Variants in GLI3 observed in about 807,000 individuals in gnomAD.
GLI3 encodes GLI family zinc finger 3.
A neutral mutation model predicts 100.8 loss-of-function variants in GLI3; 20 were observed. The ratio of observed to expected loss-of-function variants is 0.20; its 90% CI spans 0.14 to 0.29. The LOEUF is 0.29. GLI3 is among the 10% of genes least tolerant of loss of function. The pLI, the probability that GLI3 is intolerant of heterozygous loss-of-function variation, is 1.00. For synonymous variants in GLI3, 938 were observed against 860.5 expected, an observed-to-expected ratio of 1.09 and a Z score of -1.58; for missense variants, 2,040 against 2,128.5, an observed-to-expected ratio of 0.96 and a Z score of 0.82.
At chr7:42,012,378 C>T (rs1034653138) in intron 10 of GLI3, among the ~76,000 whole-genome samples, 3 of 152,048 alleles carry the variant, frequency 2.0e-5, no homozygotes, top group Non-Finnish European at 4.4e-5. Context: ...TTGCTCCTCT[C>T]CCCCCTCCCT....
Position 41,986,469 on chromosome 7 carries a change from C to A in GLI3, c.1498-7721G>T, listed in dbSNP as rs557458203. Reference sequence around the variant, plus strand: ...AAAGCTGGACTATGCTTCACTGCAGCAGAACACTATCATTTCACATTTAAA... The same window carrying A: ...AAAGCTGGACTATGCTTCACTGCAGAAGAACACTATCATTTCACATTTAAA... On this transcript the variant is annotated intron_variant, in intron 10 of 14. Coordinates refer to ENST00000395925, the MANE Select transcript of GLI3 (RefSeq NM_000168.6). 1.4e-3 allele frequency among the ~76,000 whole-genome samples: 210 copies of A among 147,600 alleles called. 1 individual carries two copies. The highest frequency in any genetic ancestry group is 2.2e-3 in the Admixed American group (32 of 14,502).
rs1786168762 is a variant in GLI3, at chr7:42,127,732, G to C, written c.367+20494C>G. Among the ~76,000 whole-genome samples, 4 of 152,340 alleles carry C rather than the reference G, an allele frequency of 2.6e-5. No individual in the cohort carries two copies. The South Asian group carries it at 8.3e-4, about 32-fold the overall frequency. The stretch of plus-strand genomic sequence containing the variant: ...ATGTTAAGAAACAAATGTAGGGCCT[G>C]GTGCAGTGGCTGTCGCCTGTAATCC... On this transcript the variant is annotated intron_variant, in intron 3 of 14. Transcript: ENST00000395925.
chr7:41,993,009 A>T (rs1788032502), intron 10 of GLI3, among the ~76,000 whole-genome samples: 1 of 152,224 alleles, frequency 6.6e-6, no homozygotes, highest in Non-Finnish European at 1.5e-5. Context: ...TGTTTCTCCC[A>T]TGCTGCCTGC....
At chr7:42,113,614 T>A in intron 3 of GLI3, 2 of 989,604 alleles carry the variant, frequency 2.0e-6, no homozygotes, top group Non-Finnish European at 3.2e-6. Flanking sequence ...GTGCTGGAGA[T>A]GCCAAGTGAA....
chr7:42,197,733 C>T (rs911996318), intron 2 of GLI3, among the ~76,000 whole-genome samples: 2 of 152,166 alleles, frequency 1.3e-5, no homozygotes, highest in African/African-American at 4.8e-5. Flanking sequence ...GCTTAGCTAC[C>T]CCAGACAGGA....
At chr7:42,053,849 T>C (rs1471112592) in intron 4 of GLI3, among the ~76,000 whole-genome samples, 8 of 152,214 alleles carry the variant, frequency 5.3e-5, no homozygotes, top group African/African-American at 1.9e-4. Flanking sequence ...GAAATATGCC[T>C]GTGGCCCTCC....
At chr7:42,009,512 A>G (rs1471979554) in intron 10 of GLI3, among the ~76,000 whole-genome samples, 1 of 148,644 alleles carries the variant, frequency 6.7e-6, no homozygotes, top group East Asian at 1.9e-4. Context: ...TAATTGATCA[A>G]AAATTTCTGA....
At chr7:42,044,361 G>A (rs543633156) in intron 6 of GLI3, among the ~76,000 whole-genome samples, 6 of 152,288 alleles carry the variant, frequency 3.9e-5, no homozygotes, top group East Asian at 3.9e-4. Flanking sequence ...ACTTCAGAGC[G>A]CCTTGCAAAC....
rs187395195 is a variant in GLI3, at chr7:42,048,346, G to A, written c.679+145C>T. 2,727 of 710,706 alleles carry A rather than the reference G, an allele frequency of 3.8e-3. 17 individuals are homozygous for A. Among genetic ancestry groups the A allele is most frequent in the Non-Finnish European group, 5.4e-3 (2,093 of 384,264 alleles). The allele number at this position is 710,706 out of a possible 1,614,324, so 44.0% of individuals were successfully genotyped here. A position where few individuals can be genotyped will look rare whatever the true frequency, so the allele number is the denominator to read the frequency against. On this transcript the variant is annotated intron_variant, in intron 5 of 14. Transcript: ENST00000395925. The stretch of plus-strand genomic sequence containing the variant: ...CAATGAGGTGTTACAAAACTGAAAC[G>A]CAATCATGCATGTAAGGCACAGAGC...
intron 10 of GLI3, among the ~76,000 whole-genome samples, chr7:41,998,240 C>T (rs973330881): frequency 1.3e-5 from 2 of 152,042 alleles, no homozygotes; most frequent in African/African-American, 4.8e-5. Context: ...TATATGGCAC[C>T]TCTTCTAAGG....
intron 3 of GLI3, among the ~76,000 whole-genome samples, chr7:42,144,407 T>A (rs1367371274): frequency 6.6e-6 from 1 of 152,184 alleles, no homozygotes; most frequent in Non-Finnish European, 1.5e-5. Flanking sequence ...AAACGTCTAC[T>A]TTTGCGCCTT....
At chr7:42,223,044 C>T in intron 2 of GLI3, 86 bp downstream of exon 2, 1 of 1,504,160 alleles carries the variant, frequency 6.6e-7, no homozygotes, top group Non-Finnish European at 9.2e-7. Flanking sequence ...AACACTGGTC[C>T]AGGTGCAAAC....
chr7:42,182,414 C>G (rs965409682), intron 2 of GLI3, among the ~76,000 whole-genome samples: 1 of 151,174 alleles, frequency 6.6e-6, no homozygotes, highest in Non-Finnish European at 1.5e-5. Flanking sequence ...TACCAAAGAC[C>G]CTGCTTTATA....
Position 42,201,903 on chromosome 7 carries a change from G to T in GLI3, c.124+21227C>A, listed in dbSNP as rs561593368. 9.2e-5 allele frequency among the ~76,000 whole-genome samples: 14 copies of T among 152,144 alleles called. No homozygotes were observed. In the South Asian group the frequency reaches 2.9e-3, roughly 32 times the overall value. ...TCAAGACCATCTTGGCCAACATAGTGAAACCCTGTCTCTACTAAAAATACA... is the reference window on the plus strand; with the variant it reads ...TCAAGACCATCTTGGCCAACATAGTTAAACCCTGTCTCTACTAAAAATACA... On this transcript the variant is annotated intron_variant, in intron 2 of 14. Coordinates refer to ENST00000395925, the MANE Select transcript of GLI3 (RefSeq NM_000168.6).
chr7:42,087,322 G>A (rs1260767064), intron 3 of GLI3, among the ~76,000 whole-genome samples: 1 of 152,128 alleles, frequency 6.6e-6, no homozygotes, highest in African/African-American at 2.4e-5. Context: ...TGTTCAGAGT[G>A]AGCCCAGGGC....
At chr7:42,232,904 T>C (rs1024233401) in intron 1 of GLI3, among the ~76,000 whole-genome samples, 1 of 152,072 alleles carries the variant, frequency 6.6e-6, no homozygotes, top group Non-Finnish European at 1.5e-5. Flanking sequence ...ACTTTCACAT[T>C]TAAAAAAACC....
chr7:42,189,483 C>T (rs1787783841), intron 2 of GLI3, among the ~76,000 whole-genome samples: 1 of 152,160 alleles, frequency 6.6e-6, no homozygotes, highest in African/African-American at 2.4e-5. Context: ...AGCAAGGAGT[C>T]TTTTGTTCTC....
At chr7:42,079,555 A>G (rs3801167) in intron 3 of GLI3, among the ~76,000 whole-genome samples, 61,631 of 152,074 alleles carry the variant, frequency 0.41, 13,908 homozygotes, top group Admixed American at 0.57. Flanking sequence ...CTTAACACAC[A>G]TCATCTGCTC....
chr7:42,238,185 C>G (rs1424935024), upstream of GLI3, among the ~76,000 whole-genome samples: 1 of 152,018 alleles, frequency 6.6e-6, no homozygotes, highest in Non-Finnish European at 1.5e-5. Context: ...GTCACCCGCG[C>G]CCTCTCTCTT....
Sources: allele counts gnomAD v4.1 joint callset (sites outside exome capture counted in the v4.1 genomes callset), GRCh38; gene constraint gnomAD v4.1.1; transcripts MANE v1.5; gene names NCBI Gene and HGNC (gene_info 2026-07-23, HGNC 2026-07-21).